GNG2: variants seen among roughly 807,000 people sequenced by gnomAD.
GNG2 encodes G protein subunit gamma 2, also known as guanine nucleotide-binding protein G(I)/G(S)/G(O) subunit gamma-2.
In GNG2, 5 loss-of-function variants were observed where a neutral mutation model predicts 5.5. The observed-to-expected ratio is 0.91, with a 90% CI of 0.48 to 1.92. The LOEUF (loss-of-function observed/expected upper bound fraction) is 1.92. GNG2 is among the 30% of genes most tolerant of loss of function. The probability of loss-of-function intolerance (pLI) is 0.01; values close to 1 mark genes in which losing one functional copy is unlikely to be tolerated. For synonymous variants in GNG2, 28 were observed against 32.0 expected (o/e 0.88, Z 0.42); for missense variants, 55 against 88.4 (o/e 0.62, Z 1.52).
intron 2 of GNG2, among the ~76,000 whole-genome samples, chr14:51,853,650 C>T (rs1882014951): frequency 6.6e-6 from 1 of 152,172 alleles, no homozygotes; most frequent in African/African-American, 2.4e-5. Flanking sequence ...TGCCTTTCTG[C>T]CTTGCCTATA....
intron 2 of GNG2, among the ~76,000 whole-genome samples, chr14:51,892,861 C>T (rs1472496543): frequency 1.3e-5 from 2 of 152,198 alleles, no homozygotes; most frequent in Non-Finnish European, 2.9e-5. Flanking sequence ...TCAGCAACTG[C>T]ATACAGTTCA....
At chr14:51,891,267 T>G (rs1329002883) in intron 2 of GNG2, among the ~76,000 whole-genome samples, 1 of 152,226 alleles carries the variant, frequency 6.6e-6, no homozygotes, top group Non-Finnish European at 1.5e-5. Flanking sequence ...TTCTTGCATC[T>G]GCTTCTTGGT....
chr14:51,883,793 G>T (rs574939724), intron 2 of GNG2, among the ~76,000 whole-genome samples: 20 of 152,014 alleles, frequency 1.3e-4, no homozygotes, highest in Admixed American at 1.3e-3. Context: ...CACTATATCA[G>T]TTATATACTA....
intron 2 of GNG2, among the ~76,000 whole-genome samples, chr14:51,947,842 A>T (rs1888729704): frequency 6.6e-6 from 1 of 152,190 alleles, no homozygotes; most frequent in Admixed American, 6.5e-5. Context: ...TGGGTCATTT[A>T]CTCAGTTAAT....
intron 2 of GNG2, chr14:51,916,645 GC>G (rs1474701492): frequency 2.6e-6 from 1 of 382,964 alleles, no homozygotes; most frequent in Non-Finnish European, 5.1e-6. Flanking sequence ...GTGCTGGGAG[GC>G]CTACCTGCCT....
chr14:51,946,069 C>A (rs143997193), intron 2 of GNG2, among the ~76,000 whole-genome samples: 82 of 152,232 alleles, frequency 5.4e-4, no homozygotes, highest in Non-Finnish European at 9.0e-4. Context: ...ATATACAAAG[C>A]CAATACTTGT....
intron 3 of GNG2, among the ~76,000 whole-genome samples, chr14:51,961,139 G>T (rs1407022193): frequency 1.3e-5 from 2 of 152,170 alleles, no homozygotes; most frequent in African/African-American, 4.8e-5. Context: ...ACTCCTCTGT[G>T]CTGCCTATTG....
upstream of GNG2, among the ~76,000 whole-genome samples, chr14:51,858,828 G>T (rs1261779560): frequency 2.6e-5 from 4 of 152,138 alleles, no homozygotes; most frequent in Non-Finnish European, 5.9e-5. Flanking sequence ...AAAGCTAGTT[G>T]CTCATTTTCA....
At chr14:51,914,279 A>G (rs1409205323) in intron 2 of GNG2, 1 of 702,266 alleles carries the variant, frequency 1.4e-6, no homozygotes, top group Admixed American at 2.0e-5. Flanking sequence ...ACCAAGGTAG[A>G]ATGGAAAAGG....
At chr14:51,880,441 A>C (rs1338870619) in intron 2 of GNG2, among the ~76,000 whole-genome samples, 1 of 152,220 alleles carries the variant, frequency 6.6e-6, no homozygotes, top group Non-Finnish European at 1.5e-5. Context: ...TCCTCCATAC[A>C]TTAAGTTATC....
chr14:51,829,400 C>T (rs185051045), intron 2 of GNG2, among the ~76,000 whole-genome samples: 1 of 152,304 alleles, frequency 6.6e-6, no homozygotes, highest in East Asian at 1.9e-4. Flanking sequence ...CACTTACTCC[C>T]TCCTTACCTA....
intron 2 of GNG2, among the ~76,000 whole-genome samples, chr14:51,885,837 CAGAT>C (rs1384585032): frequency 1.3e-5 from 2 of 152,140 alleles, no homozygotes; most frequent in African/African-American, 4.8e-5. Flanking sequence ...GTTTTGGGCT[CAGAT>C]AGGATCAAGA....
At chr14:51,833,208 A>G (rs1881242866) in intron 2 of GNG2, among the ~76,000 whole-genome samples, 1 of 152,234 alleles carries the variant, frequency 6.6e-6, no homozygotes, top group African/African-American at 2.4e-5. Flanking sequence ...GGAGGGAGTC[A>G]GTACCAGTGA....
At chr14:51,847,686 G>C (rs1280267067) in intron 2 of GNG2, among the ~76,000 whole-genome samples, 1 of 152,094 alleles carries the variant, frequency 6.6e-6, no homozygotes, top group East Asian at 1.9e-4. Context: ...ACAGACGAGA[G>C]GGGCCATGGA....
chr14:51,921,984 A>G (rs1393879062), intron 2 of GNG2, among the ~76,000 whole-genome samples: 1 of 152,012 alleles, frequency 6.6e-6, no homozygotes, highest in Non-Finnish European at 1.5e-5. Flanking sequence ...CCTTTGCACT[A>G]TTTTCTTTAG....
chr14:51,926,491 C>T (rs1887328468), intron 2 of GNG2, among the ~76,000 whole-genome samples: 1 of 152,118 alleles, frequency 6.6e-6, no homozygotes, highest in South Asian at 2.1e-4. Flanking sequence ...GAACCTAGGC[C>T]ACCTTTTTGG....
At chr14:51,902,709 T>G (rs1010636133) in intron 2 of GNG2, among the ~76,000 whole-genome samples, 1 of 152,038 alleles carries the variant, frequency 6.6e-6, no homozygotes, top group Non-Finnish European at 1.5e-5. Flanking sequence ...CTGGACAACA[T>G]AGAGAGACAC....
intron 1 of GNG2, among the ~76,000 whole-genome samples, chr14:51,871,454 G>C (rs1380120577): frequency 6.6e-6 from 1 of 152,070 alleles, no homozygotes. Flanking sequence ...AAGGACATTG[G>C]TTTAGAGTCA....
chr14:51,917,985 C>T (rs967478062), intron 2 of GNG2, among the ~76,000 whole-genome samples: 3 of 148,376 alleles, frequency 2.0e-5, no homozygotes, highest in African/African-American at 7.5e-5. Flanking sequence ...GAGATCGTGT[C>T]ACTGCACTCT....
Sources: gnomAD v4.1 joint callset for allele counts (sites outside exome capture counted in the v4.1 genomes callset) on GRCh38, gnomAD v4.1.1 for gene constraint, MANE v1.5 for transcripts, NCBI Gene and HGNC (gene_info 2026-07-23, HGNC 2026-07-21) for gene names.